PALM2AKAP2: variants seen among roughly 807,000 people sequenced by gnomAD.
PALM2AKAP2 encodes the protein PALM2 and AKAP2 fusion, also known as PALM2-AKAP2 fusion protein.
PALM2AKAP2 carries 37 observed loss-of-function variants against 71.5 expected under a neutral mutation model. That is an observed-to-expected ratio of 0.52 (90% CI 0.40 to 0.68). PALM2AKAP2 has a LOEUF of 0.68. Ranked by LOEUF, PALM2AKAP2 falls within the 30% of genes least tolerant of loss-of-function variation. The pLI is 0.00. For missense variants in PALM2AKAP2, 1,224 were observed against 1,191.8 expected (o/e 1.03, Z -0.40); for synonymous variants, 468 against 478.8 (o/e 0.98, Z 0.29).
At chr9:109,939,156 A>G (rs774227397) in intron 6 of PALM2AKAP2, among the ~76,000 whole-genome samples, 2 of 152,124 alleles carry the variant, frequency 1.3e-5, no homozygotes, top group East Asian at 3.8e-4. Context: ...TACCACCACA[A>G]AATACTCCTT....
rs1025721363 is a variant in PALM2AKAP2 at position 110,113,459 on chromosome 9, G to A, written c.157-22668G>A. ...TCACCATGTTGACCAGGATGGTCTC[G>A]ATTTCTTGACCTTGTGGACCTTGTG... is the stretch of plus-strand genomic sequence containing the variant. On this transcript the variant is annotated intron_variant, in intron 1 of 3. Transcript: ENST00000374525. Among the ~76,000 whole-genome samples, 15 of 151,276 alleles carry A rather than the reference G, an allele frequency of 9.9e-5. No homozygotes were observed. The South Asian group carries it at 1.0e-3, about 11-fold the overall frequency.
Position 109,717,474 on chromosome 9 carries a change from A to G in PALM2AKAP2, c.6-63014A>G, listed in dbSNP as rs567057359. On this transcript the variant is annotated intron_variant, in intron 1 of 6. Transcript: ENST00000374531. ...AAGGTGTGTGGGGTAGAGAGTAGGC[A>G]ATGTACCAGACACCACATGAAGGAG... Among the ~76,000 whole-genome samples the G allele has an allele frequency of 2.6e-5, 4 of 152,326 alleles. No individual in the cohort carries two copies. The South Asian group carries it at 8.3e-4, about 32-fold the overall frequency.
chr9:110,089,058 A>G (rs1172675652), intron 1 of PALM2AKAP2, among the ~76,000 whole-genome samples: 2 of 152,156 alleles, frequency 1.3e-5, no homozygotes, highest in East Asian at 3.9e-4. Flanking sequence ...AATTTAAAAA[A>G]TCAGATCCTC....
intron 3 of PALM2AKAP2, among the ~76,000 whole-genome samples, chr9:109,881,082 A>G (rs776440291): frequency 2.9e-4 from 44 of 151,786 alleles, no homozygotes; most frequent in Non-Finnish European, 5.2e-4. Context: ...GTTCCCTTCT[A>G]CGTGTCCGTG....
chr9:110,146,787 G>T (rs1038937976), intron 2 of PALM2AKAP2, among the ~76,000 whole-genome samples: 2 of 152,154 alleles, frequency 1.3e-5, no homozygotes, highest in East Asian at 3.9e-4. Context: ...GTGAGGTGGG[G>T]CAGGGAGAGA....
upstream of PALM2AKAP2, among the ~76,000 whole-genome samples, chr9:109,777,410 C>A (rs1337619495): frequency 6.6e-6 from 1 of 152,094 alleles, no homozygotes; most frequent in African/African-American, 2.4e-5. Context: ...TTGCTTTGAC[C>A]CCCAAACATC....
At chr9:109,983,412 CCTT>C (rs1832313291) in intron 6 of PALM2AKAP2, among the ~76,000 whole-genome samples, 1 of 152,058 alleles carries the variant, frequency 6.6e-6, no homozygotes. Flanking sequence ...TTTTTCGTCT[CCTT>C]CTTTTTCCTT....
At chr9:109,663,122 G>T (rs1204547216) in intron 1 of PALM2AKAP2, among the ~76,000 whole-genome samples, 3 of 151,808 alleles carry the variant, frequency 2.0e-5, no homozygotes, top group Non-Finnish European at 4.4e-5. Context: ...CAATTTTGTT[G>T]ATCTTTTCAA....
intron 2 of PALM2AKAP2, among the ~76,000 whole-genome samples, chr9:110,147,477 G>A (rs1018305558): frequency 1.3e-5 from 2 of 152,106 alleles, no homozygotes. Flanking sequence ...CCCAGTAAGA[G>A]TTATTATTGT....
At chr9:109,986,078 A>G (rs371837286) in intron 6 of PALM2AKAP2, among the ~76,000 whole-genome samples, 6 of 152,250 alleles carry the variant, frequency 3.9e-5, no homozygotes, top group African/African-American at 9.6e-5. Context: ...ACCAAAATCC[A>G]GATCTGAAAA....
intron 2 of PALM2AKAP2, among the ~76,000 whole-genome samples, chr9:110,145,153 CT>C (rs1342042369): frequency 1.3e-5 from 2 of 152,160 alleles, no homozygotes; most frequent in Non-Finnish European, 2.9e-5. Context: ...TGCAATCCTT[CT>C]TTTGCGGTGG....
chr9:109,691,873 C>CACACATATATATATATATATAT (rs1827895844), intron 1 of PALM2AKAP2, among the ~76,000 whole-genome samples: 2 of 51,994 alleles, frequency 3.8e-5, no homozygotes, highest in Non-Finnish European at 7.8e-5. Flanking sequence ...TATATACACA[C>CACACATATATATATATATATAT]ACACACACAT....
intron 2 of PALM2AKAP2, among the ~76,000 whole-genome samples, chr9:109,869,290 T>C (rs940683326): frequency 1.3e-5 from 2 of 152,108 alleles, no homozygotes; most frequent in African/African-American, 2.4e-5. Flanking sequence ...TCCAGTGCAG[T>C]ATTAGTATAT....
chr9:109,974,207 A>C (rs767303264), intron 6 of PALM2AKAP2, among the ~76,000 whole-genome samples: 5 of 152,226 alleles, frequency 3.3e-5, no homozygotes, highest in African/African-American at 7.2e-5. Context: ...GGCTGTTGTC[A>C]AGGCCCTGCC....
At chr9:109,990,862 G>A (rs117363434) in intron 6 of PALM2AKAP2, among the ~76,000 whole-genome samples, 5,190 of 152,230 alleles carry the variant, frequency 0.034, 126 homozygotes, top group Non-Finnish European at 0.051. Flanking sequence ...TTTACTCTTG[G>A]AGAAAAAAAT....
intron 1 of PALM2AKAP2, among the ~76,000 whole-genome samples, chr9:110,083,014 G>C (rs962111186): frequency 1.3e-5 from 2 of 152,120 alleles, no homozygotes; most frequent in African/African-American, 2.4e-5. Flanking sequence ...GGTGGCGCGT[G>C]CCTGTAATCC....
At chr9:110,000,950 C>A (rs1341339760) in intron 6 of PALM2AKAP2, among the ~76,000 whole-genome samples, 1 of 152,156 alleles carries the variant, frequency 6.6e-6, no homozygotes, top group African/African-American at 2.4e-5. Flanking sequence ...AAATTTTCTC[C>A]CATTCTATAG....
At chr9:110,098,803 C>T (rs1437512577) in intron 1 of PALM2AKAP2, among the ~76,000 whole-genome samples, 1 of 152,214 alleles carries the variant, frequency 6.6e-6, no homozygotes, top group Non-Finnish European at 1.5e-5. Context: ...TTCACCACCT[C>T]TCTCTGCAGG....
intron 1 of PALM2AKAP2, among the ~76,000 whole-genome samples, chr9:109,836,088 G>T (rs1449677774): frequency 3.9e-5 from 6 of 152,210 alleles, no homozygotes; most frequent in Non-Finnish European, 7.3e-5. Context: ...CTCCTCAAGT[G>T]GGTCCCTGAT....
Sources: allele counts gnomAD v4.1 joint callset (sites outside exome capture counted in the v4.1 genomes callset), GRCh38; gene constraint gnomAD v4.1.1; transcripts MANE v1.5; gene names NCBI Gene and HGNC (gene_info 2026-07-23, HGNC 2026-07-21).